LIN7A: variants seen among roughly 807,000 people sequenced by gnomAD.
LIN7A encodes protein lin-7 homolog A.
Under a neutral mutation model 29.8 loss-of-function variants are expected in LIN7A, and 25 were observed. The observed-to-expected ratio is 0.84, with a 90% CI of 0.61 to 1.17. LIN7A has a LOEUF of 1.17. LIN7A is among the 50% of genes most tolerant of loss of function. The probability of loss-of-function intolerance (pLI) is 0.00; values close to 1 mark genes in which losing one functional copy is unlikely to be tolerated. For synonymous variants in LIN7A, 118 were observed against 107.5 expected (o/e 1.10, Z -0.60); for missense variants, 239 against 287.0 (o/e 0.83, Z 1.21).
At position 80,937,849 on chromosome 12, in the gene LIN7A, G is replaced by T; in HGVS notation, c.-127C>A. On this transcript the variant is annotated 5_prime_UTR_variant, in exon 1 of 6. Coordinates refer to ENST00000552864, the MANE Select transcript of LIN7A (RefSeq NM_004664.4). ...GTGGTGGAGAAGAAAGCTTGGGTGG[G>T]TTGGTAGCCAGATGGAGACGCAACT... The T allele has an allele frequency of 1.5e-6, 1 of 675,630 alleles. No homozygotes were observed. Among genetic ancestry groups the T allele is most frequent in the Non-Finnish European group, 2.3e-6 (1 of 438,698 alleles). 41.9% of individuals were successfully genotyped at this position (675,630 alleles called of 1,614,324 possible).
intron 1 of LIN7A, among the ~76,000 whole-genome samples, chr12:80,908,750 CTA>C (rs1876610155): frequency 6.6e-6 from 1 of 151,902 alleles, no homozygotes; most frequent in African/African-American, 2.4e-5. Context: ...ATGATGTTGA[CTA>C]TCTTTTCATA....
chr12:80,926,950 A>C (rs1038947979), intron 1 of LIN7A, among the ~76,000 whole-genome samples: 2 of 149,964 alleles, frequency 1.3e-5, no homozygotes, highest in Admixed American at 6.7e-5. Context: ...AAAAAAAAAA[A>C]AATTGACATT....
intron 4 of LIN7A, among the ~76,000 whole-genome samples, chr12:80,831,435 AG>A (rs1418059034): frequency 6.6e-6 from 1 of 152,174 alleles, no homozygotes; most frequent in African/African-American, 2.4e-5. Flanking sequence ...ATAATGCATC[AG>A]GGGAATTTTA....
At chr12:80,804,190 C>T (rs1176034094) in intron 5 of LIN7A, among the ~76,000 whole-genome samples, 7 of 151,860 alleles carry the variant, frequency 4.6e-5, no homozygotes, top group Non-Finnish European at 8.8e-5. Flanking sequence ...GGGTATGCAT[C>T]CTCTTAAGTA....
At chr12:80,824,371 A>C (rs1171070861) in intron 4 of LIN7A, among the ~76,000 whole-genome samples, 1 of 152,162 alleles carries the variant, frequency 6.6e-6, no homozygotes, top group Non-Finnish European at 1.5e-5. Context: ...AAATGGTAAT[A>C]AAAAACATTG....
chr12:80,865,724 T>G (rs1592907588), intron 2 of LIN7A, among the ~76,000 whole-genome samples: 1 of 152,306 alleles, frequency 6.6e-6, no homozygotes, highest in East Asian at 1.9e-4. Context: ...GGGAAAGGAT[T>G]TAAGACATTG....
intron 5 of LIN7A, among the ~76,000 whole-genome samples, chr12:80,802,493 T>C (rs1035182920): frequency 9.9e-5 from 15 of 152,168 alleles, no homozygotes; most frequent in Admixed American, 9.8e-4. Context: ...AGAAGTGAGA[T>C]TGCTGGATCA....
intron 1 of LIN7A, among the ~76,000 whole-genome samples, chr12:80,891,642 T>C (rs1477520992): frequency 6.6e-6 from 1 of 152,112 alleles, no homozygotes; most frequent in Non-Finnish European, 1.5e-5. Context: ...GTCACAGACA[T>C]GCAATAAAGT....
intron 1 of LIN7A, among the ~76,000 whole-genome samples, chr12:80,929,945 G>A (rs1356012047): frequency 6.6e-6 from 1 of 152,080 alleles, no homozygotes; most frequent in African/African-American, 2.4e-5. Flanking sequence ...TTGTTAAATA[G>A]ACCCAGCTGT....
At chr12:80,798,466 C>A (rs1377152787) in intron 5 of LIN7A, among the ~76,000 whole-genome samples, 2 of 152,002 alleles carry the variant, frequency 1.3e-5, no homozygotes, top group Non-Finnish European at 2.9e-5. Context: ...AGAGATGTGC[C>A]CAACCTCCCC....
chr12:80,807,437 T>A (rs887083878), intron 5 of LIN7A, among the ~76,000 whole-genome samples: 1 of 152,048 alleles, frequency 6.6e-6, no homozygotes, highest in Non-Finnish European at 1.5e-5. Context: ...GCTGAGCAAA[T>A]AATTCTGGCC....
chr12:80,864,962 TA>T, intron 2 of LIN7A, among the ~76,000 whole-genome samples: 1 of 152,346 alleles, frequency 6.6e-6, no homozygotes. Flanking sequence ...GCTTCATTAG[TA>T]CTTACCCTCA....
At chr12:80,825,988 A>G (rs1206452102) in intron 4 of LIN7A, among the ~76,000 whole-genome samples, 2 of 152,216 alleles carry the variant, frequency 1.3e-5, no homozygotes, top group African/African-American at 4.8e-5. Context: ...TGTTTCCTAT[A>G]AAGTGTAAAA....
chr12:80,834,857 A>G (rs912871103), intron 4 of LIN7A, among the ~76,000 whole-genome samples: 1 of 152,206 alleles, frequency 6.6e-6, no homozygotes, highest in Non-Finnish European at 1.5e-5. Context: ...CTTGCATTTC[A>G]CTAGGTATAC....
intron 1 of LIN7A, among the ~76,000 whole-genome samples, chr12:80,909,320 A>C (rs1876637991): frequency 6.6e-6 from 1 of 152,152 alleles, no homozygotes; most frequent in Admixed American, 6.5e-5. Context: ...CATTGATCTT[A>C]CATATCAATA....
chr12:80,855,452 AT>A (rs1355503318), intron 2 of LIN7A, among the ~76,000 whole-genome samples: 6 of 152,162 alleles, frequency 3.9e-5, no homozygotes, highest in African/African-American at 1.4e-4. Flanking sequence ...AAGAAAAATT[AT>A]TTGATGTGGT....
intron 5 of LIN7A, among the ~76,000 whole-genome samples, chr12:80,809,588 G>A (rs1871192815): frequency 6.6e-6 from 1 of 152,152 alleles, no homozygotes; most frequent in East Asian, 1.9e-4. Context: ...TGCAGTCATG[G>A]GAAATCCACT....
intron 2 of LIN7A, among the ~76,000 whole-genome samples, chr12:80,865,475 G>T (rs1224096753): frequency 6.6e-6 from 1 of 152,188 alleles, no homozygotes; most frequent in Non-Finnish European, 1.5e-5. Flanking sequence ...CAATGGAGAA[G>T]AGGGATGAGA....
At chr12:80,936,525 A>G (rs1322133893) in intron 1 of LIN7A, 4 of 152,204 alleles carry the variant, frequency 2.6e-5, no homozygotes, top group African/African-American at 9.7e-5. Context: ...TTCTGAGTAC[A>G]CCATTTCCAA....
Sources: allele counts gnomAD v4.1 joint callset (sites outside exome capture counted in the v4.1 genomes callset), GRCh38; gene constraint gnomAD v4.1.1; transcripts MANE v1.5; gene names NCBI Gene and HGNC (gene_info 2026-07-23, HGNC 2026-07-21).